The following GULP1 variants were observed in gnomAD, a reference collection of about 807,000 sequenced individuals.
The protein encoded by GULP1 is PTB domain-containing engulfment adapter protein 1.
Under a neutral mutation model 40.9 loss-of-function variants are expected in GULP1, and 19 were observed. That is an observed-to-expected ratio of 0.46 (90% CI 0.32 to 0.68). The LOEUF is 0.68. GULP1 is among the 30% of genes least tolerant of loss of function. The pLI, the probability that GULP1 is intolerant of heterozygous loss-of-function variation, is 0.03. For synonymous variants in GULP1, 119 were observed against 117.6 expected, an observed-to-expected ratio of 1.01 and a Z score of -0.08; for missense variants, 312 against 362.2, an observed-to-expected ratio of 0.86 and a Z score of 1.12.
At chr2:188,567,720 C>A (rs1235096618) in intron 7 of GULP1, among the ~76,000 whole-genome samples, 1 of 152,106 alleles carries the variant, frequency 6.6e-6, no homozygotes, top group Non-Finnish European at 1.5e-5. Flanking sequence ...TACTGTATAA[C>A]TAACCTGCAC....
At chr2:188,540,769 A>T (rs1309146328) in intron 6 of GULP1, among the ~76,000 whole-genome samples, 2 of 152,284 alleles carry the variant, frequency 1.3e-5, no homozygotes, top group East Asian at 3.9e-4. Context: ...GCAGTGAGAT[A>T]AAATGAGAAT....
At chr2:188,416,633 A>G (rs2054619592) in intron 2 of GULP1, among the ~76,000 whole-genome samples, 1 of 152,182 alleles carries the variant, frequency 6.6e-6, no homozygotes, top group Non-Finnish European at 1.5e-5. Context: ...GAACCTTGGC[A>G]TGGATCACAG....
chr2:188,504,869 T>G lies in GULP1; in HGVS notation c.91-17887T>G, dbSNP rs928040265. On this transcript the variant is annotated intron_variant, in intron 4 of 11. Transcript: ENST00000409830. ...CTGTTGAATAAAGTCATAGCCTACTTTCTGAATGATCTCTAGCAAATTTAC... is the reference window on the plus strand; with the variant it reads ...CTGTTGAATAAAGTCATAGCCTACTGTCTGAATGATCTCTAGCAAATTTAC... Among the ~76,000 whole-genome samples the G allele has an allele frequency of 4.0e-5, 6 of 151,862 alleles. No homozygotes were observed. The East Asian group carries it at 1.2e-3, about 30-fold the overall frequency.
intron 2 of GULP1, among the ~76,000 whole-genome samples, chr2:188,393,179 G>A (rs924654846): frequency 1.3e-5 from 2 of 151,462 alleles, no homozygotes; most frequent in Non-Finnish European, 3.0e-5. Flanking sequence ...GTGCCACGTT[G>A]AAGTCCCCCC....
chr2:188,503,881 G>A (rs1267674136), intron 4 of GULP1, among the ~76,000 whole-genome samples: 1 of 151,790 alleles, frequency 6.6e-6, no homozygotes, highest in Non-Finnish European at 1.5e-5. Flanking sequence ...AAAAACTTTA[G>A]TAACACATAT....
chr2:188,360,341 A>G (rs187829222), intron 1 of GULP1, among the ~76,000 whole-genome samples: 1 of 152,176 alleles, frequency 6.6e-6, no homozygotes, highest in East Asian at 1.9e-4. Flanking sequence ...CTTTCAAAAA[A>G]TCTCTATTAT....
intron 9 of GULP1, among the ~76,000 whole-genome samples, chr2:188,583,230 C>G (rs1177546633): frequency 6.6e-6 from 1 of 152,100 alleles, no homozygotes. Flanking sequence ...AAATAATGTA[C>G]TAGCAATTAT....
intron 2 of GULP1, among the ~76,000 whole-genome samples, chr2:188,421,116 C>G (rs1430950444): frequency 3.9e-5 from 6 of 152,078 alleles, no homozygotes; most frequent in East Asian, 1.9e-4. Flanking sequence ...GTAAAATTCT[C>G]CCTATTTATT....
chr2:188,475,168 G>A (rs2060908242), intron 2 of GULP1, among the ~76,000 whole-genome samples: 1 of 152,114 alleles, frequency 6.6e-6, no homozygotes, highest in Non-Finnish European at 1.5e-5. Flanking sequence ...TACAAAAAAA[G>A]TGTAGAGTGC....
chr2:188,370,660 A>C (rs544317031), intron 1 of GULP1, among the ~76,000 whole-genome samples: 18 of 152,188 alleles, frequency 1.2e-4, no homozygotes, highest in Non-Finnish European at 1.9e-4. Flanking sequence ...TCAGTTTTAA[A>C]ACATAATAAA....
At chr2:188,328,942 A>G (rs1365221757) in intron 1 of GULP1, among the ~76,000 whole-genome samples, 3 of 152,180 alleles carry the variant, frequency 2.0e-5, no homozygotes, top group East Asian at 1.9e-4. Context: ...AGAAGCATCT[A>G]TGATACGGAT....
At chr2:188,402,221 C>T (rs2052398582) in intron 2 of GULP1, among the ~76,000 whole-genome samples, 1 of 152,150 alleles carries the variant, frequency 6.6e-6, no homozygotes, top group African/African-American at 2.4e-5. Context: ...CTAGTACCTA[C>T]AGTAAGGAAA....
chr2:188,311,477 T>C (rs1167841384), intron 1 of GULP1, among the ~76,000 whole-genome samples: 2 of 152,174 alleles, frequency 1.3e-5, no homozygotes, highest in African/African-American at 2.4e-5. Context: ...ATTATAGGCG[T>C]GAGCCACCAT....
chr2:188,476,798 A>G (rs2061048639), intron 2 of GULP1, among the ~76,000 whole-genome samples: 1 of 152,124 alleles, frequency 6.6e-6, no homozygotes, highest in Admixed American at 6.6e-5. Context: ...ATAGATTACA[A>G]TGCAGTACCA....
At chr2:188,416,626 C>A (rs112944546) in intron 2 of GULP1, among the ~76,000 whole-genome samples, 360 of 152,200 alleles carry the variant, frequency 2.4e-3, no homozygotes, top group Non-Finnish European at 4.4e-3. Context: ...ACAATCAGAA[C>A]CTTGGCATGG....
At chr2:188,403,491 A>C (rs1273836398) in intron 2 of GULP1, among the ~76,000 whole-genome samples, 1 of 152,194 alleles carries the variant, frequency 6.6e-6, no homozygotes, top group Non-Finnish European at 1.5e-5. Flanking sequence ...ATGATAAACG[A>C]AGCACACACA....
intron 6 of GULP1, among the ~76,000 whole-genome samples, chr2:188,531,642 T>C (rs890005453): frequency 2.6e-5 from 4 of 152,126 alleles, no homozygotes; most frequent in African/African-American, 9.7e-5. Flanking sequence ...GGTGAAAAGA[T>C]AGTAGAGGGT....
chr2:188,391,978 T>G (rs1259206487), intron 2 of GULP1, among the ~76,000 whole-genome samples: 2 of 152,068 alleles, frequency 1.3e-5, no homozygotes, highest in Non-Finnish European at 2.9e-5. Flanking sequence ...TCATGCTGTA[T>G]TATTTTTTTG....
At chr2:188,390,859 T>C (rs1559184112) in intron 2 of GULP1, among the ~76,000 whole-genome samples, 1 of 152,042 alleles carries the variant, frequency 6.6e-6, no homozygotes, top group Non-Finnish European at 1.5e-5. Flanking sequence ...CCCAGAACCA[T>C]TTATTAAGTA....
Sources: gnomAD v4.1 joint callset for allele counts (sites outside exome capture counted in the v4.1 genomes callset) on GRCh38, gnomAD v4.1.1 for gene constraint, MANE v1.5 for transcripts, NCBI Gene and HGNC (gene_info 2026-07-23, HGNC 2026-07-21) for gene names.